Variants in MATCAP2 observed in about 807,000 individuals in gnomAD.
MATCAP2 encodes the protein microtubule associated tyrosine carboxypeptidase 2.
the MATCAP2 span, among the ~76,000 whole-genome samples, chr7:36,388,534 A>G: frequency 6.6e-5 from 10 of 152,350 alleles, no homozygotes; most frequent in East Asian, 1.7e-3. Context: ...TGTTTTGTTC[A>G]GCTCATGGAC....
At chr7:36,369,036 T>G in the MATCAP2 span, among the ~76,000 whole-genome samples, 1 of 152,202 alleles carries the variant, frequency 6.6e-6, no homozygotes, top group Non-Finnish European at 1.5e-5. Context: ...ATTATATATT[T>G]TATTGATTTA....
chr7:36,369,461 T>G, the MATCAP2 span, among the ~76,000 whole-genome samples: 3 of 152,330 alleles, frequency 2.0e-5, no homozygotes, highest in African/African-American at 7.2e-5. Context: ...ATCTATTACC[T>G]CTACAAATTT....
the MATCAP2 span, chr7:36,334,273 A>C: frequency 3.1e-5 from 27 of 857,188 alleles, no homozygotes; most frequent in Non-Finnish European, 4.5e-5. Context: ...GCGGTGGCTC[A>C]TGCCTGTAAT....
chr7:36,369,106 GT>G, the MATCAP2 span, among the ~76,000 whole-genome samples: 1 of 151,960 alleles, frequency 6.6e-6, no homozygotes, highest in Non-Finnish European at 1.5e-5. Flanking sequence ...AGTGATTTTT[GT>G]TTGTTCACTG....
the MATCAP2 span, among the ~76,000 whole-genome samples, chr7:36,339,110 T>C: frequency 5.1e-4 from 78 of 152,364 alleles, no homozygotes; most frequent in African/African-American, 1.6e-3. Context: ...TGGTCCTTCA[T>C]ATTTGTCTTA....
At chr7:36,382,501 T>TG in the MATCAP2 span, among the ~76,000 whole-genome samples, 49 of 151,278 alleles carry the variant, frequency 3.2e-4, no homozygotes, top group Middle Eastern at 3.4e-3. Context: ...CTTTTTTTTT[T>TG]TTTTGTTTTG....
At chr7:36,352,396 T>TAAAAAA in the MATCAP2 span, among the ~76,000 whole-genome samples, 24 of 106,182 alleles carry the variant, frequency 2.3e-4, no homozygotes, top group African/African-American at 7.6e-4. Flanking sequence ...GACTCCATCT[T>TAAAAAA]AAAAAAAAAA....
At chr7:36,359,245 A>G in the MATCAP2 span, among the ~76,000 whole-genome samples, 40 of 152,210 alleles carry the variant, frequency 2.6e-4, no homozygotes, top group African/African-American at 8.9e-4. Flanking sequence ...GGTTGTCACA[A>G]CTGGGGAGAG....
chr7:36,361,858 A>G, the MATCAP2 span, among the ~76,000 whole-genome samples: 2 of 152,262 alleles, frequency 1.3e-5, no homozygotes, highest in Non-Finnish European at 2.9e-5. Flanking sequence ...GTAAGCAACA[A>G]TATGGATGTA....
chr7:36,357,149 T>G, the MATCAP2 span: 2 of 1,614,212 alleles, frequency 1.2e-6, no homozygotes, highest in Non-Finnish European at 1.7e-6. Context: ...ATGGCACCAC[T>G]TGACCTTGCT....
At chr7:36,351,217 G>A in the MATCAP2 span, among the ~76,000 whole-genome samples, 6 of 138,804 alleles carry the variant, frequency 4.3e-5, no homozygotes, top group Admixed American at 7.3e-5. Flanking sequence ...CAAACATGGT[G>A]AAACCCTGTC....
At chr7:36,386,348 C>G in the MATCAP2 span, among the ~76,000 whole-genome samples, 3 of 151,834 alleles carry the variant, frequency 2.0e-5, no homozygotes, top group African/African-American at 7.3e-5. Context: ...TACAGCAGAA[C>G]ATCTTTATTA....
chr7:36,367,508 C>T, the MATCAP2 span, among the ~76,000 whole-genome samples: 1 of 152,162 alleles, frequency 6.6e-6, no homozygotes, highest in African/African-American at 2.4e-5. Context: ...CTGTGACACT[C>T]GGCCCTAGCT....
chr7:36,382,739 C>T, the MATCAP2 span, among the ~76,000 whole-genome samples: 6 of 152,190 alleles, frequency 3.9e-5, no homozygotes, highest in African/African-American at 1.2e-4. Context: ...GTGATCCACC[C>T]GCCTTGGCCT....
chr7:36,330,055 TTTTTATTTTA>T, the MATCAP2 span, among the ~76,000 whole-genome samples: 3 of 143,220 alleles, frequency 2.1e-5, no homozygotes, highest in East Asian at 2.0e-4. Context: ...TTTTTTTTTA[TTTTTATTTTA>T]TTTTATTTTA....
the MATCAP2 span, chr7:36,390,168 T>G: frequency 6.5e-7 from 1 of 1,549,714 alleles, no homozygotes; most frequent in Admixed American, 1.8e-5. Flanking sequence ...GCGTGCGCAG[T>G]GTGTGCGGGC....
the MATCAP2 span, chr7:36,356,545 T>C: frequency 2.6e-6 from 1 of 386,840 alleles, no homozygotes; most frequent in African/African-American, 2.0e-5. Context: ...AAGAAATCAA[T>C]TAGAAAACAA....
chr7:36,346,349 AT>A, the MATCAP2 span, among the ~76,000 whole-genome samples: 1 of 152,240 alleles, frequency 6.6e-6, no homozygotes, highest in Admixed American at 6.5e-5. Context: ...TTCATACAGC[AT>A]TATTAACAGC....
the MATCAP2 span, among the ~76,000 whole-genome samples, chr7:36,343,651 GA>G: frequency 1.8e-5 from 2 of 108,468 alleles, no homozygotes; most frequent in African/African-American, 6.5e-5. Flanking sequence ...AAAAAGAAAA[GA>G]GAAGGAAGGA....
Sources: allele counts gnomAD v4.1 joint callset (sites outside exome capture counted in the v4.1 genomes callset), GRCh38; gene constraint gnomAD v4.1.1; transcripts MANE v1.5; gene names NCBI Gene and HGNC (gene_info 2026-07-23, HGNC 2026-07-21).